Variants in JADE3 observed in about 807,000 individuals in gnomAD.
The protein encoded by JADE3 is jade family PHD finger 3.
A neutral mutation model predicts 50.1 loss-of-function variants in JADE3; 2 were observed. That is an observed-to-expected ratio of 0.04 (90% CI 0.02 to 0.13). The LOEUF (loss-of-function observed/expected upper bound fraction) is 0.13, where lower values mean the gene tolerates loss of function less well. Ranked by LOEUF, JADE3 falls within the 10% of genes least tolerant of loss-of-function variation. The probability of loss-of-function intolerance (pLI) is 1.00; values close to 1 mark genes in which losing one functional copy is unlikely to be tolerated. For synonymous variants in JADE3, 218 were observed against 232.9 expected, an observed-to-expected ratio of 0.94 and a Z score of 0.58; for missense variants, 475 against 634.4, an observed-to-expected ratio of 0.75 and a Z score of 2.70.
At chrX:46,971,435 A>T (rs1311752733) in intron 1 of JADE3, among the ~76,000 whole-genome samples, 2 of 109,657 alleles carry the variant, frequency 1.8e-5, no homozygotes, top group African/African-American at 6.6e-5. Context: ...GAATATATGT[A>T]CATAAATTAA....
chrX:47,000,381 T>C, intron 4 of JADE3, among the ~76,000 whole-genome samples: 1 of 111,170 alleles, frequency 9.0e-6, no homozygotes, highest in Admixed American at 9.6e-5. Flanking sequence ...ATCTTGACTT[T>C]AGTCTCGTTG....
intron 1 of JADE3, among the ~76,000 whole-genome samples, chrX:46,915,227 A>C (rs1926056221): frequency 8.9e-6 from 1 of 112,042 alleles, no homozygotes. Flanking sequence ...TCAGAGTTAC[A>C]GAGAGCCAGT....
intron 8 of JADE3, among the ~76,000 whole-genome samples, chrX:47,046,346 T>C (rs782204995): frequency 8.9e-6 from 1 of 111,820 alleles, no homozygotes; most frequent in South Asian, 3.7e-4. Context: ...ATTTAAAATC[T>C]GAACGGACCA....
At chrX:46,957,630 G>A (rs1371596480) in intron 1 of JADE3, among the ~76,000 whole-genome samples, 1 of 112,235 alleles carries the variant, frequency 8.9e-6, no homozygotes, top group Admixed American at 9.4e-5. Flanking sequence ...CTTAGGTCAA[G>A]AATAACTACA....
intron 3 of JADE3, among the ~76,000 whole-genome samples, chrX:46,995,994 T>C (rs1368040145): frequency 5.3e-5 from 6 of 112,676 alleles, no homozygotes; most frequent in African/African-American, 1.9e-4. Context: ...CAGGTATGAA[T>C]TGGTTGGTGG....
At chrX:47,048,785 GA>G (rs1929433763) in intron 8 of JADE3, among the ~76,000 whole-genome samples, 1 of 111,581 alleles carries the variant, frequency 9.0e-6, no homozygotes, top group Admixed American at 9.6e-5. Flanking sequence ...TAAATATATT[GA>G]AAACCATTGA....
Position 46,926,021 on chromosome X carries a change from A to AATTTTATTTTATTTTATTTTATTTT in JADE3, c.-12+13334_-12+13358dup, listed in dbSNP as rs201354375. Among the ~76,000 whole-genome samples, 288 of 80,081 alleles carry AATTTTATTTTATTTTATTTTATTTT rather than the reference A, an allele frequency of 3.6e-3. 7 individuals carry two copies. Among genetic ancestry groups the AATTTTATTTTATTTTATTTTATTTT allele is most frequent in the African/African-American group, 0.013 (255 of 19,376 alleles). The allele number at this position is 80,081 out of a possible 115,157, so 69.5% of individuals were successfully genotyped here. On this transcript the variant is annotated intron_variant, in intron 1 of 10. Coordinates refer to ENST00000614628, the MANE Select transcript of JADE3 (RefSeq NM_014735.5). ...CAGGTGTACACCACCATGCCCAGCT[A>AATTTTATTTTATTTTATTTTATTTT]ATTTTATTTTATTTTATTTTATTTT...
chrX:46,921,706 C>T (rs1233880678), intron 1 of JADE3, among the ~76,000 whole-genome samples: 3 of 111,483 alleles, frequency 2.7e-5, no homozygotes, highest in African/African-American at 9.8e-5. Flanking sequence ...ACCTTGATCA[C>T]AGTCTTTCTG....
intron 3 of JADE3, among the ~76,000 whole-genome samples, chrX:46,986,420 AT>A (rs1221832477): frequency 1.3e-4 from 15 of 112,049 alleles, no homozygotes; most frequent in Non-Finnish European, 2.4e-4. Flanking sequence ...TCACACTGTG[AT>A]TTCATTTTGT....
chrX:46,973,481 CAT>C (rs1927543836), intron 1 of JADE3, among the ~76,000 whole-genome samples: 1 of 112,484 alleles, frequency 8.9e-6, no homozygotes, highest in African/African-American at 3.2e-5. Flanking sequence ...GAAGCAGTGA[CAT>C]ATGTAGAATA....
At chrX:46,981,177 A>G (rs1927744949) in intron 1 of JADE3, among the ~76,000 whole-genome samples, 1 of 112,285 alleles carries the variant, frequency 8.9e-6, no homozygotes, top group Non-Finnish European at 1.9e-5. Flanking sequence ...CCACTAAACT[A>G]TAAGATAGTA....
intron 1 of JADE3, among the ~76,000 whole-genome samples, chrX:46,973,584 A>T (rs1362104134): frequency 8.9e-6 from 1 of 112,342 alleles, no homozygotes; most frequent in Non-Finnish European, 1.9e-5. Context: ...GAAATGAAAG[A>T]TACACAAGAT....
In JADE3 at chrX:46,976,078, G is replaced by A. The variant is rs147907205; in HGVS notation, c.-11-8806G>A. ...TAGAAATAGAATTCCTAGGTCAAAC[G>A]GTGTGAATATGTTTAAAGTAGAGCA... On this transcript the variant is annotated intron_variant, in intron 1 of 10. Coordinates refer to ENST00000614628, the MANE Select transcript of JADE3 (RefSeq NM_014735.5). Among the ~76,000 whole-genome samples the A allele has an allele frequency of 9.1e-3, 1,006 of 110,998 alleles. 12 individuals carry two copies. Among genetic ancestry groups the A allele is most frequent in the African/African-American group, 0.031 (955 of 30,554 alleles).
rs202117625 is a variant in JADE3, at chrX:46,935,467, CCA to C, written c.-12+22753_-12+22754del. ...AGTCTGTGGCCTGTTAGGAACCAGG[CCA>C]CACAGGAGGAGGTGAACAGTGGGCA... On this transcript the variant is annotated intron_variant, in intron 1 of 10. Transcript: ENST00000614628. Among the ~76,000 whole-genome samples, 1,106 of 110,827 alleles carry C rather than the reference CCA, an allele frequency of 1.0e-2. 52 individuals are homozygous for C. The East Asian group carries it at 0.15, about 15-fold the overall frequency.
rs781863562 is a variant in JADE3, at chrX:47,019,423, C to T, written c.285-5301C>T. 9.9e-5 allele frequency among the ~76,000 whole-genome samples: 11 copies of T among 111,170 alleles called. No homozygotes were observed. In the Admixed American group the frequency reaches 1.1e-3, roughly 11 times the overall value. ...GTTTAGAGATAGGGTCGCACTCTGT[C>T]ACCCAGGCTGGAGTGCAGTGGTGTA... On this transcript the variant is annotated intron_variant, in intron 4 of 10. Transcript: ENST00000614628.
chrX:47,037,621 A>G (rs1556368307), intron 7 of JADE3, among the ~76,000 whole-genome samples: 1 of 111,740 alleles, frequency 8.9e-6, no homozygotes, highest in Non-Finnish European at 1.9e-5. Flanking sequence ...CCTGGTCTCT[A>G]CAAAAAAAAT....
At chrX:46,918,432 G>GTT (rs1405626032) in intron 1 of JADE3, among the ~76,000 whole-genome samples, 1 of 112,026 alleles carries the variant, frequency 8.9e-6, no homozygotes, top group African/African-American at 3.2e-5. Flanking sequence ...GAAGACTTAA[G>GTT]TATTTTTTCA....
intron 4 of JADE3, 86 bp from the exon 5 acceptor site, chrX:47,024,638 C>T: frequency 3.8e-6 from 2 of 531,598 alleles, no homozygotes; most frequent in South Asian, 3.9e-5. Context: ...TCTGCCATAC[C>T]TCCCAGAGGG....
intron 1 of JADE3, among the ~76,000 whole-genome samples, chrX:46,957,567 T>C (rs190249006): frequency 3.6e-5 from 4 of 112,205 alleles, no homozygotes; most frequent in East Asian, 2.8e-4. Context: ...AGAGCTAATA[T>C]GAGATTTGCC....
Sources: gnomAD v4.1 joint callset for allele counts (sites outside exome capture counted in the v4.1 genomes callset) on GRCh38, gnomAD v4.1.1 for gene constraint, MANE v1.5 for transcripts, NCBI Gene and HGNC (gene_info 2026-07-23, HGNC 2026-07-21) for gene names.